SPAM1: variants seen among roughly 807,000 people sequenced by gnomAD.
SPAM1 encodes hyaluronidase PH-20.
SPAM1 carries 22 observed loss-of-function variants against 29.6 expected under a neutral mutation model. The ratio of observed to expected loss-of-function variants is 0.74; its 90% CI spans 0.53 to 1.06. The LOEUF (loss-of-function observed/expected upper bound fraction) is 1.06, where lower values mean the gene tolerates loss of function less well. Ranked by LOEUF, SPAM1 falls within the 50% of genes least tolerant of loss-of-function variation. SPAM1 has a pLI of 0.00. For missense variants in SPAM1, 534 were observed against 604.0 expected (o/e 0.88, Z 1.21); for synonymous variants, 194 against 204.6 (o/e 0.95, Z 0.44).
Position 123,954,334 on chromosome 7 carries a change from A to T in SPAM1, c.764A>T (p.Glu255Val). 1 of 1,613,150 alleles carries T rather than the reference A, an allele frequency of 6.2e-7. No individual in the cohort carries two copies. The highest frequency in any genetic ancestry group is 1.3e-5 in the African/African-American group (1 of 74,978). The stretch of plus-strand genomic sequence containing the variant: ...GATGATCTCAGCTGGTTGTGGAATG[A>T]AAGCACTGCTCTTTACCCATCCATT... ...RNDDLSWLWNESTALYPSIYL... is the reference protein window; with the variant it reads ...RNDDLSWLWNVSTALYPSIYL... The change falls in exon 3 of 5, where the codon GAA becomes GTA. Residue 255 changes from glutamate (E) to valine (V), a missense_variant. Physicochemically the swap from Glu to Val is moderately radical, Grantham distance 121 (BLOSUM62 -2). Transcript: ENST00000682466.
At chr7:123,944,732 T>C (rs1808521697) in intron 1 of SPAM1, among the ~76,000 whole-genome samples, 1 of 152,046 alleles carries the variant, frequency 6.6e-6, no homozygotes, top group Admixed American at 6.6e-5. Context: ...GCCAAAACAA[T>C]TATGACCCAA....
At chr7:123,948,886 G>A (rs1251699644) in intron 1 of SPAM1, among the ~76,000 whole-genome samples, 1 of 151,754 alleles carries the variant, frequency 6.6e-6, no homozygotes, top group African/African-American at 2.4e-5. Context: ...TATCTGTTAT[G>A]ATTCTCTAGA....
intron 3 of SPAM1, among the ~76,000 whole-genome samples, chr7:123,954,736 AG>A (rs1792209777): frequency 6.6e-6 from 1 of 152,132 alleles, no homozygotes; most frequent in African/African-American, 2.4e-5. Context: ...CGGGAGAATT[AG>A]GTAGTATAGA....
chr7:123,928,434 A>G (rs1380326731), intron 1 of SPAM1, among the ~76,000 whole-genome samples: 4 of 152,320 alleles, frequency 2.6e-5, no homozygotes, highest in African/African-American at 9.6e-5. Context: ...TGGTGGCATT[A>G]AATTTACATA....
intron 1 of SPAM1, among the ~76,000 whole-genome samples, chr7:123,947,395 T>A (rs775339482): frequency 1.1e-4 from 16 of 151,978 alleles, no homozygotes; most frequent in Non-Finnish European, 2.1e-4. Flanking sequence ...TAAAAAATTT[T>A]AAAAATTATC....
In SPAM1 at chr7:123,925,336, A is replaced by T. The variant is rs1451578042; in HGVS notation, c.-335A>T. ...TGTAGGTGGTTAGCAGCACCTCATA[A>T]GGTCCTTCCTAGCAAGGTAACAGTA... On this transcript the variant is annotated 5_prime_UTR_variant, in exon 1 of 5. The change creates a new upstream start codon in the 5' untranslated region. Transcript: ENST00000682466. 2 of 152,174 alleles carry T rather than the reference A, an allele frequency of 1.3e-5. No homozygotes were observed. Among genetic ancestry groups the T allele is most frequent in the African/African-American group, 4.8e-5 (2 of 41,444 alleles). The allele number at this position is 152,174 out of a possible 1,614,324, so 9.4% of individuals were successfully genotyped here.
At chr7:123,934,574 GAT>G (rs1379614675) in intron 1 of SPAM1, among the ~76,000 whole-genome samples, 2 of 152,126 alleles carry the variant, frequency 1.3e-5, no homozygotes, top group Admixed American at 6.5e-5. Flanking sequence ...CAACAGCTAA[GAT>G]ATGGAATTAA....
At chr7:123,930,332 C>T (rs1056247537) in intron 1 of SPAM1, among the ~76,000 whole-genome samples, 7 of 152,074 alleles carry the variant, frequency 4.6e-5, no homozygotes, top group African/African-American at 1.7e-4. Context: ...AACAGTAACT[C>T]AATCCAATAA....
rs373508114 is a variant in SPAM1, at chr7:123,945,269, G to A, written c.-318-4603G>A. The stretch of plus-strand genomic sequence containing the variant: ...TAAAAAAGTTTGAATTAGACAAAAA[G>A]TATTCTTCTTTTAACATTTTGGGAG... On this transcript the variant is annotated intron_variant, in intron 1 of 4. Coordinates refer to ENST00000682466, the MANE Select transcript of SPAM1 (RefSeq NM_153189.3). Among the ~76,000 whole-genome samples the A allele has an allele frequency of 4.6e-5, 7 of 152,014 alleles. No homozygotes were observed. In the East Asian group the frequency reaches 1.2e-3, roughly 25 times the overall value.
At position 123,959,657 on chromosome 7, in the gene SPAM1, T is replaced by C; in HGVS notation, c.1218T>C (p.Ala406=). The change falls in exon 5 of 5, where the codon GCT becomes GCC. Residue 406 remains alanine, a synonymous_variant. Transcript: ENST00000682466. ...DYLHLNPDNF[A]IQLEKGGKFT... The stretch of plus-strand genomic sequence containing the variant: ...TTCACCTCAACCCAGATAATTTTGC[T>C]ATTCAACTTGAGAAAGGTGGAAAGT... 1.2e-6 allele frequency: 2 copies of C among 1,613,330 alleles called. No individual in the cohort carries two copies. The highest frequency in any genetic ancestry group is 1.7e-6 in the Non-Finnish European group (2 of 1,179,590).
At chr7:123,926,650 A>G (rs189194860) in intron 1 of SPAM1, among the ~76,000 whole-genome samples, 8 of 152,300 alleles carry the variant, frequency 5.3e-5, no homozygotes, top group Non-Finnish European at 1.2e-4. Flanking sequence ...TTAGTCAAAT[A>G]CGTTTAAGAA....
Position 123,953,958 on chromosome 7 carries a change from G to A in SPAM1, c.388G>A (p.Asp130Asn). ...AGACCATCTGGACAAAGCTAAGAAAGACATTACATTTTATATGCCAGTAGA... is the reference window on the plus strand; with the variant it reads ...AGACCATCTGGACAAAGCTAAGAAAAACATTACATTTTATATGCCAGTAGA... ...LQDHLDKAKK[D>N]ITFYMPVDNL... Residue 130 changes from aspartate to asparagine, a missense_variant, in exon 3 of 5, where the codon GAC becomes AAC. Physicochemically the swap from Asp to Asn is conservative, Grantham distance 23 (BLOSUM62 1). Coordinates refer to ENST00000682466, the MANE Select transcript of SPAM1 (RefSeq NM_153189.3). 6.2e-7 allele frequency: 1 copy of A among 1,613,728 alleles called. No individual in the cohort carries two copies. The highest frequency in any genetic ancestry group is 8.5e-7 in the Non-Finnish European group (1 of 1,179,812).
At chr7:123,942,743 C>T (rs1808466940) in intron 1 of SPAM1, among the ~76,000 whole-genome samples, 1 of 152,160 alleles carries the variant, frequency 6.6e-6, no homozygotes, top group Non-Finnish European at 1.5e-5. Context: ...GGTCAGCAAC[C>T]TGTGCAGGGA....
At position 123,941,494 on chromosome 7, in the gene SPAM1, C is replaced by T. The variant is rs537142845; in HGVS notation, c.-318-8378C>T. Among the ~76,000 whole-genome samples, 7 of 152,276 alleles carry T rather than the reference C, an allele frequency of 4.6e-5. No homozygotes were observed. The South Asian group carries it at 6.2e-4, about 14-fold the overall frequency. On this transcript the variant is annotated intron_variant, in intron 1 of 4. Transcript: ENST00000682466. ...ATTGAATATACAATTTAGTCTGGCT[C>T]AGTAAATCTGCATTTTTACATAAAC...
intron 1 of SPAM1, among the ~76,000 whole-genome samples, chr7:123,928,307 G>T (rs1227414014): frequency 6.6e-6 from 1 of 152,140 alleles, no homozygotes; most frequent in East Asian, 1.9e-4. Flanking sequence ...TGTCTTTTAA[G>T]ACTGCATCCT....
intron 1 of SPAM1, among the ~76,000 whole-genome samples, chr7:123,930,989 G>A (rs1387599464): frequency 2.0e-5 from 3 of 152,056 alleles, no homozygotes; most frequent in African/African-American, 4.8e-5. Context: ...TTACACCACA[G>A]GGTCATTGTC....
intron 1 of SPAM1, among the ~76,000 whole-genome samples, chr7:123,939,287 A>G (rs989591637): frequency 6.6e-6 from 1 of 151,984 alleles, no homozygotes. Context: ...GGGTTTCACC[A>G]TGTTAGCCAG....
At chr7:123,933,518 T>TA (rs763655266) in intron 1 of SPAM1, among the ~76,000 whole-genome samples, 10 of 152,060 alleles carry the variant, frequency 6.6e-5, no homozygotes, top group South Asian at 4.1e-4. Context: ...CTTCTAGGAG[T>TA]AGTAATTTGT....
rs188122676 is a variant in SPAM1 at position 123,938,947 on chromosome 7, T to C, written c.-318-10925T>C. On this transcript the variant is annotated intron_variant, in intron 1 of 4. Transcript: ENST00000682466. ...GGGATTGGTCCTAGGTTTTTTTTTATAGTGGGATGTTGGATTGACTGAAAA... is the reference window on the plus strand; with the variant it reads ...GGGATTGGTCCTAGGTTTTTTTTTACAGTGGGATGTTGGATTGACTGAAAA... Among the ~76,000 whole-genome samples, 9 of 152,270 alleles carry C rather than the reference T, an allele frequency of 5.9e-5. No homozygotes were observed. The East Asian group carries it at 1.5e-3, about 26-fold the overall frequency.
Sources: allele counts gnomAD v4.1 joint callset (sites outside exome capture counted in the v4.1 genomes callset), GRCh38; gene constraint gnomAD v4.1.1; transcripts MANE v1.5; gene names NCBI Gene and HGNC (gene_info 2026-07-23, HGNC 2026-07-21).